The following SLCO1B1 variants were observed in gnomAD, a reference collection of about 807,000 sequenced individuals.
SLCO1B1 encodes OATP-2.
A neutral mutation model predicts 70.1 loss-of-function variants in SLCO1B1; 81 were observed. That is an observed-to-expected ratio of 1.16 (90% confidence interval 0.97 to 1.39). The LOEUF (loss-of-function observed/expected upper bound fraction) is 1.39, where lower values mean the gene tolerates loss of function less well. Ranked by LOEUF, SLCO1B1 falls within the 40% of genes most tolerant of loss-of-function variation. The pLI is 0.00. For missense variants in SLCO1B1, 895 were observed against 799.6 expected (o/e 1.12, Z -1.44); for synonymous variants, 283 against 271.5 (o/e 1.04, Z -0.42).
In SLCO1B1 at chr12:21,204,287, A is replaced by G. The variant is rs115022889; in HGVS notation, c.1332-1581A>G. Among the ~76,000 whole-genome samples the G allele has an allele frequency of 8.0e-4, 121 of 152,038 alleles. 1 individual carries two copies. Among genetic ancestry groups the G allele is most frequent in the African/African-American group, 2.8e-3 (118 of 41,526 alleles). On this transcript the variant is annotated intron_variant, in intron 10 of 14. Coordinates refer to ENST00000256958, the MANE Select transcript of SLCO1B1 (RefSeq NM_006446.5). ...TTATTTGCCTTTTTATTCTCATGCTATCCTGACAGTATAGTGATATTTTCT... is the reference window on the plus strand; with the variant it reads ...TTATTTGCCTTTTTATTCTCATGCTGTCCTGACAGTATAGTGATATTTTCT...
rs745494878 is a variant in SLCO1B1, at chr12:21,230,323, CTTTTTTTTTTTT to C, written c.1865+5496_1865+5507del. 2.8e-4 allele frequency among the ~76,000 whole-genome samples: 20 copies of C among 70,256 alleles called. 1 individual carries two copies. The highest frequency in any genetic ancestry group is 1.0e-3 in the African/African-American group (19 of 18,852). The allele number at this position is 70,256 out of a possible 152,430, so 46.1% of individuals were successfully genotyped here. A position where few individuals can be genotyped will look rare whatever the true frequency, so the allele number is the denominator to read the frequency against. The stretch of plus-strand genomic sequence containing the variant: ...ATGAGAGAAGTTGCTCTGTAGTATT[CTTTTTTTTTTTT>C]TTTTTTTTTTTGGAGACATAGTTTT... On this transcript the variant is annotated intron_variant, in intron 14 of 14. Transcript: ENST00000256958.
intron 14 of SLCO1B1, among the ~76,000 whole-genome samples, chr12:21,229,684 G>A (rs1032654128): frequency 6.6e-6 from 1 of 152,106 alleles, no homozygotes; most frequent in African/African-American, 2.4e-5. Flanking sequence ...ATATGAAGAT[G>A]TTTGATTCTG....
At chr12:21,190,315 A>G (rs1298811708) in intron 7 of SLCO1B1, among the ~76,000 whole-genome samples, 2 of 152,176 alleles carry the variant, frequency 1.3e-5, no homozygotes, top group South Asian at 2.1e-4. Context: ...TTATGTCTGT[A>G]CTAAATAAAA....
At chr12:21,235,273 T>G (rs1192625505) in intron 14 of SLCO1B1, among the ~76,000 whole-genome samples, 1 of 151,930 alleles carries the variant, frequency 6.6e-6, no homozygotes, top group Admixed American at 6.6e-5. Context: ...CTTGTTGAAT[T>G]AAATGCTTTA....
chr12:21,140,056 T>C (rs903375060), intron 1 of SLCO1B1, among the ~76,000 whole-genome samples: 6 of 152,066 alleles, frequency 3.9e-5, no homozygotes, highest in African/African-American at 1.4e-4. Context: ...AAACAAAACA[T>C]ACATAAAACA....
chr12:21,220,906 C>G (rs919646500), intron 12 of SLCO1B1, among the ~76,000 whole-genome samples: 2 of 151,674 alleles, frequency 1.3e-5, no homozygotes, highest in African/African-American at 4.8e-5. Context: ...AAATCAAATC[C>G]GATGGCACAT....
At chr12:21,179,751 C>G (rs995627078) in intron 7 of SLCO1B1, among the ~76,000 whole-genome samples, 1 of 152,074 alleles carries the variant, frequency 6.6e-6, no homozygotes, top group Non-Finnish European at 1.5e-5. Flanking sequence ...GTTGATAGAT[C>G]TAGCTGGAGC....
chr12:21,183,949 C>T (rs913041815), intron 7 of SLCO1B1, among the ~76,000 whole-genome samples: 1 of 151,728 alleles, frequency 6.6e-6, no homozygotes, highest in African/African-American at 2.4e-5. Flanking sequence ...TTTGATAATA[C>T]ATCCAGACCT....
At chr12:21,154,663 GT>G (rs997645388) in intron 2 of SLCO1B1, among the ~76,000 whole-genome samples, 114 of 150,422 alleles carry the variant, frequency 7.6e-4, no homozygotes, top group Admixed American at 1.3e-3. Flanking sequence ...CCTGTTTTTA[GT>G]TTTTTTTTAA....
chr12:21,220,087 A>G (rs1941405127), intron 12 of SLCO1B1, among the ~76,000 whole-genome samples: 1 of 152,168 alleles, frequency 6.6e-6, no homozygotes, highest in South Asian at 2.1e-4. Context: ...ATGCAAAGCC[A>G]GTAGGGTTTG....
intron 14 of SLCO1B1, among the ~76,000 whole-genome samples, chr12:21,233,751 A>G (rs888364243): frequency 2.0e-5 from 3 of 152,134 alleles, no homozygotes; most frequent in African/African-American, 7.2e-5. Context: ...CTCCATTGCA[A>G]TTAAATCCAT....
chr12:21,225,479 G>A (rs568353545), intron 14 of SLCO1B1, among the ~76,000 whole-genome samples: 6 of 152,120 alleles, frequency 3.9e-5, no homozygotes, highest in Non-Finnish European at 7.4e-5. Flanking sequence ...ACTTTGAAAT[G>A]TGAAACTACA....
Position 21,217,152 on chromosome 12 carries a change from G to T in SLCO1B1, c.1531G>T (p.Gly511Cys), listed in dbSNP as rs2121179789. Residue 511 changes from glycine to cysteine, a missense_variant, in exon 12 of 15, where the codon GGT becomes TGT. Coordinates refer to ENST00000256958, the MANE Select transcript of SLCO1B1 (RefSeq NM_006446.5). ...CAACTGCAGTTGTTTGGAAGTAACT[G>T]GTCTCCAGAACAGAAATTACTCAGC... ...FYNCSCLEVTGLQNRNYSAHL... is the reference protein window; with the variant it reads ...FYNCSCLEVTCLQNRNYSAHL... 3 of 1,613,600 alleles carry T rather than the reference G, an allele frequency of 1.9e-6. No homozygotes were observed. In the South Asian group the frequency reaches 3.3e-5, roughly 18 times the overall value.
rs757066067 is a variant in SLCO1B1 at position 21,178,695 on chromosome 12, AAAG to A, written c.605_607del (p.Glu202del). The A allele has an allele frequency of 2.5e-6, 4 of 1,604,360 alleles. No individual in the cohort carries two copies. In the African/African-American group the frequency reaches 4.0e-5, roughly 16 times the overall value. ...GCTTTCTTACATTGATGATTTCGCT[AAAG>A]AAGGACATTCTTCTTTGTATTTAGG... On this transcript the variant is annotated inframe_deletion, in exon 6 of 15. Transcript: ENST00000256958.
intron 11 of SLCO1B1, among the ~76,000 whole-genome samples, chr12:21,210,816 A>G (rs369660480): frequency 2.6e-4 from 40 of 151,512 alleles, no homozygotes; most frequent in East Asian, 7.9e-4. Context: ...TATTCTCTTT[A>G]AAGCAATTGT....
chr12:21,162,558 G>T (rs995164737), intron 2 of SLCO1B1, among the ~76,000 whole-genome samples: 1 of 152,108 alleles, frequency 6.6e-6, no homozygotes, highest in Non-Finnish European at 1.5e-5. Flanking sequence ...CAGAATTCCC[G>T]TTGCTTCAAA....
intron 1 of SLCO1B1, among the ~76,000 whole-genome samples, chr12:21,139,947 CAT>C (rs1565663466): frequency 6.6e-6 from 1 of 152,080 alleles, no homozygotes; most frequent in Non-Finnish European, 1.5e-5. Flanking sequence ...GGAAAAGATA[CAT>C]ATGCTGTATA....
rs747350268 is a variant in SLCO1B1, at chr12:21,202,501, C to T, written c.1146C>T (p.Thr382=). The T allele has an allele frequency of 1.0e-4, 160 of 1,604,512 alleles. No individual in the cohort carries two copies. Among genetic ancestry groups the T allele is most frequent in the Middle Eastern group, 3.3e-4 (2 of 6,032 alleles). ...TTCTTTTTTTTCTAGGAGTCATAAC[C>T]ATACCTATTTTTGCAAGTGGAATGT... ...SKANILLGVI[T]IPIFASGMFL... The change falls in exon 10 of 15, where the codon ACC becomes ACT. Residue 382 remains threonine (T), a synonymous_variant. Transcript: ENST00000256958.
intron 14 of SLCO1B1, among the ~76,000 whole-genome samples, chr12:21,237,255 T>G (rs775096576): frequency 3.6e-4 from 55 of 152,214 alleles, no homozygotes; most frequent in Non-Finnish European, 7.8e-4. Flanking sequence ...AAAAAGCTTC[T>G]CTTAACATTT....
Sources: gnomAD v4.1 joint callset for allele counts (sites outside exome capture counted in the v4.1 genomes callset) on GRCh38, gnomAD v4.1.1 for gene constraint, MANE v1.5 for transcripts, NCBI Gene and HGNC (gene_info 2026-07-23, HGNC 2026-07-21) for gene names.